DLGAP1: variants seen among roughly 807,000 people sequenced by gnomAD.
DLGAP1 encodes the protein disks large-associated protein 1.
Under a neutral mutation model 90.8 loss-of-function variants are expected in DLGAP1, and 11 were observed. The ratio of observed to expected loss-of-function variants is 0.12; its 90% confidence interval spans 0.08 to 0.20. DLGAP1 has a LOEUF of 0.20. DLGAP1 is among the 10% of genes least tolerant of loss of function. The pLI, the probability that DLGAP1 is intolerant of heterozygous loss-of-function variation, is 1.00. For missense variants in DLGAP1, 1,050 were observed against 1,333.8 expected (o/e 0.79, Z 3.31); for synonymous variants, 558 against 540.7 (o/e 1.03, Z -0.44).
chr18:3,786,435 A>G (rs1033991870), intron 5 of DLGAP1, among the ~76,000 whole-genome samples: 5 of 152,256 alleles, frequency 3.3e-5, no homozygotes, highest in Non-Finnish European at 5.9e-5. Context: ...AGAATAAACC[A>G]GTAAAAATTA....
chr18:3,666,669 T>C (rs2059895583), intron 7 of DLGAP1, among the ~76,000 whole-genome samples: 1 of 152,210 alleles, frequency 6.6e-6, no homozygotes, highest in Non-Finnish European at 1.5e-5. Context: ...TTTCCATCCT[T>C]AGCAGAATCT....
intron 3 of DLGAP1, among the ~76,000 whole-genome samples, chr18:3,893,402 T>C (rs910329327): frequency 6.6e-6 from 1 of 151,438 alleles, no homozygotes; most frequent in Non-Finnish European, 1.5e-5. Context: ...CATGGTGAAA[T>C]CCCCTTTCTA....
chr18:3,693,020 G>C (rs2060952428), intron 7 of DLGAP1, among the ~76,000 whole-genome samples: 1 of 152,176 alleles, frequency 6.6e-6, no homozygotes, highest in Non-Finnish European at 1.5e-5. Flanking sequence ...AAGGTATTCT[G>C]GCTTTTTCAG....
intron 7 of DLGAP1, among the ~76,000 whole-genome samples, chr18:3,683,146 G>A (rs1004170196): frequency 1.7e-4 from 26 of 151,982 alleles, no homozygotes; most frequent in Non-Finnish European, 3.1e-4. Flanking sequence ...GTGAGCCACC[G>A]CACCCGGCCA....
At chr18:3,534,116 A>G (rs2052183872) in intron 10 of DLGAP1, 78 bp downstream of exon 10, 3 of 1,475,810 alleles carry the variant, frequency 2.0e-6, no homozygotes, top group Non-Finnish European at 2.8e-6. Flanking sequence ...GCTGGCAGAG[A>G]AGAAAACAAC....
intron 7 of DLGAP1, among the ~76,000 whole-genome samples, chr18:3,592,639 G>A: frequency 6.6e-6 from 1 of 151,822 alleles, no homozygotes; most frequent in Middle Eastern, 3.2e-3. Flanking sequence ...AGGTGTTGGA[G>A]ACCAGCCTGG....
At chr18:3,674,296 A>AAAAATATAT (rs755076240) in intron 7 of DLGAP1, among the ~76,000 whole-genome samples, 1 of 128,992 alleles carries the variant, frequency 7.8e-6, no homozygotes, top group African/African-American at 3.2e-5. Context: ...ATAATATTAA[A>AAAAATATAT]ATATATATAT....
chr18:3,906,408 C>T (rs1002790112), intron 3 of DLGAP1, among the ~76,000 whole-genome samples: 1 of 152,072 alleles, frequency 6.6e-6, no homozygotes, highest in Non-Finnish European at 1.5e-5. Context: ...CACAAAATTC[C>T]ACCTAATCCA....
intron 5 of DLGAP1, among the ~76,000 whole-genome samples, chr18:3,772,794 C>T (rs894513421): frequency 6.6e-6 from 1 of 152,090 alleles, no homozygotes; most frequent in East Asian, 1.9e-4. Context: ...GGCCCCACTT[C>T]AGACCCGCTA....
intron 2 of DLGAP1, among the ~76,000 whole-genome samples, chr18:4,066,359 GA>G (rs1202566567): frequency 6.6e-6 from 1 of 151,618 alleles, no homozygotes; most frequent in Non-Finnish European, 1.5e-5. Flanking sequence ...AAATAAAAAT[GA>G]AAAAATAAAA....
rs572710369 is a variant in DLGAP1 at position 3,921,728 on chromosome 18, A to G, written c.-72-41588T>C. The stretch of plus-strand genomic sequence containing the variant: ...CATGTTGTAAGGATTTAAATAGGTC[A>G]TAGAGCCAACTATTTCCTCATCTAG... On this transcript the variant is annotated intron_variant, in intron 3 of 12. Coordinates refer to ENST00000315677, the MANE Select transcript of DLGAP1 (RefSeq NM_004746.4). 1.2e-4 allele frequency among the ~76,000 whole-genome samples: 19 copies of G among 152,322 alleles called. No homozygotes were observed. The South Asian group carries it at 3.9e-3, about 32-fold the overall frequency.
In DLGAP1 at chr18:3,914,286, C is replaced by CT. The variant is rs1444385372; in HGVS notation, c.-72-34147dup. ...AGCTCCAGTCTTTTGGAGTCCACAT[C>CT]TAAGTGAGGTCGTGCAGTATTTGCC... On this transcript the variant is annotated intron_variant, in intron 3 of 12. Transcript: ENST00000315677. 2.6e-5 allele frequency among the ~76,000 whole-genome samples: 4 copies of CT among 152,314 alleles called. No homozygotes were observed. In the East Asian group the frequency reaches 7.7e-4, roughly 29 times the overall value.
At chr18:4,020,080 G>A (rs558526251) in intron 2 of DLGAP1, among the ~76,000 whole-genome samples, 2 of 152,202 alleles carry the variant, frequency 1.3e-5, no homozygotes, top group African/African-American at 4.8e-5. Flanking sequence ...TATGGTAGGG[G>A]TTGTGGAGAC....
At chr18:4,214,960 AACG>A (rs1389141294) in intron 1 of DLGAP1, among the ~76,000 whole-genome samples, 1 of 152,286 alleles carries the variant, frequency 6.6e-6, no homozygotes. Context: ...CAATAAAAAG[AACG>A]ACATTTTAGG....
intron 4 of DLGAP1, among the ~76,000 whole-genome samples, chr18:3,841,428 A>T (rs762168218): frequency 6.6e-5 from 10 of 152,220 alleles, no homozygotes; most frequent in Non-Finnish European, 1.3e-4. Context: ...ACTATTGGAG[A>T]TCAGAAGGCA....
intron 1 of DLGAP1, among the ~76,000 whole-genome samples, chr18:4,151,504 C>A (rs1029035374): frequency 6.6e-6 from 1 of 151,994 alleles, no homozygotes; most frequent in Non-Finnish European, 1.5e-5. Context: ...AGAAAAAAAA[C>A]AATGTTGCTG....
At chr18:4,025,231 G>A (rs2074680428) in intron 2 of DLGAP1, among the ~76,000 whole-genome samples, 1 of 152,122 alleles carries the variant, frequency 6.6e-6, no homozygotes, top group Non-Finnish European at 1.5e-5. Flanking sequence ...CGGCTCATTT[G>A]AAACATACAA....
chr18:4,206,074 G>A (rs2077714611), intron 1 of DLGAP1, among the ~76,000 whole-genome samples: 1 of 152,086 alleles, frequency 6.6e-6, no homozygotes, highest in South Asian at 2.1e-4. Flanking sequence ...CTGGGTGGAT[G>A]GTAACACTTT....
At chr18:3,942,739 A>C (rs1474126452) in intron 3 of DLGAP1, among the ~76,000 whole-genome samples, 1 of 152,242 alleles carries the variant, frequency 6.6e-6, no homozygotes, top group African/African-American at 2.4e-5. Flanking sequence ...GCAGAAATTC[A>C]TTTTGAACAG....
Sources: gnomAD v4.1 joint callset for allele counts (sites outside exome capture counted in the v4.1 genomes callset) on GRCh38, gnomAD v4.1.1 for gene constraint, MANE v1.5 for transcripts, NCBI Gene and HGNC (gene_info 2026-07-23, HGNC 2026-07-21) for gene names.